Variants in NEGR1 observed in about 807,000 individuals in gnomAD.
NEGR1 encodes the protein IgLON family member 4.
In NEGR1, 10 loss-of-function variants were observed where a neutral mutation model predicts 40.9. That is an observed-to-expected ratio of 0.24 (90% confidence interval 0.15 to 0.42). The LOEUF is 0.42. NEGR1 is among the 10% of genes least tolerant of loss of function. The pLI, the probability that NEGR1 is intolerant of heterozygous loss-of-function variation, is 1.00. For synonymous variants in NEGR1, 185 were observed against 166.8 expected (o/e 1.11, Z -0.84); for missense variants, 352 against 438.9 (o/e 0.80, Z 1.77).
chr1:71,506,864 T>C (rs973032782), intron 6 of NEGR1, among the ~76,000 whole-genome samples: 3 of 152,158 alleles, frequency 2.0e-5, no homozygotes, highest in Non-Finnish European at 2.9e-5. Flanking sequence ...AAATAAACAC[T>C]GTTTACGTGG....
intron 1 of NEGR1, among the ~76,000 whole-genome samples, chr1:72,228,973 C>G (rs2100494998): frequency 6.6e-6 from 1 of 152,100 alleles, no homozygotes; most frequent in South Asian, 2.1e-4. Flanking sequence ...TTAAAAATGT[C>G]AAAGAAGGGT....
intron 1 of NEGR1, among the ~76,000 whole-genome samples, chr1:72,259,663 G>A (rs964647282): frequency 1.3e-5 from 2 of 152,016 alleles, no homozygotes; most frequent in African/African-American, 4.8e-5. Context: ...AGCTATTATG[G>A]AAAGGGAGCT....
intron 1 of NEGR1, among the ~76,000 whole-genome samples, chr1:72,101,159 T>A (rs929037004): frequency 1.3e-5 from 2 of 152,328 alleles, no homozygotes; most frequent in Admixed American, 1.3e-4. Flanking sequence ...TTTGACTGTG[T>A]CTTTTTCTTT....
Position 71,935,049 on chromosome 1 carries a change from T to C in NEGR1, c.409+30A>G, listed in dbSNP as rs748705996. The stretch of plus-strand genomic sequence containing the variant: ...ATTAAATATTTCTAAGCACAGTCTT[T>C]CACAATATAGCAGTTCTGAAAATAC... On this transcript the variant is annotated intron_variant, in intron 2 of 6. Coordinates refer to ENST00000357731, the MANE Select transcript of NEGR1 (RefSeq NM_173808.3). The C allele has an allele frequency of 3.8e-6, 5 of 1,300,584 alleles. No individual in the cohort carries two copies. In the South Asian group the frequency reaches 6.0e-5, roughly 16 times the overall value. The allele number at this position is 1,300,584 out of a possible 1,614,324, so 80.6% of individuals were successfully genotyped here.
chr1:72,136,768 G>A (rs1570023606), intron 1 of NEGR1, among the ~76,000 whole-genome samples: 1 of 151,782 alleles, frequency 6.6e-6, no homozygotes, highest in Admixed American at 6.6e-5. Context: ...AAACTAAAGA[G>A]CTTCTGCACA....
chr1:71,755,414 T>A (rs1166284641), intron 3 of NEGR1, among the ~76,000 whole-genome samples: 3 of 152,174 alleles, frequency 2.0e-5, no homozygotes, highest in Non-Finnish European at 4.4e-5. Context: ...TAAAATTAAA[T>A]CACATCATTT....
At chr1:71,696,806 T>C (rs1255691724) in intron 4 of NEGR1, among the ~76,000 whole-genome samples, 1 of 151,804 alleles carries the variant, frequency 6.6e-6, no homozygotes, top group East Asian at 1.9e-4. Flanking sequence ...CTGATGTGGG[T>C]ACCAGGAGTT....
chr1:72,007,560 C>CT (rs1406403750), intron 1 of NEGR1, among the ~76,000 whole-genome samples: 3 of 151,908 alleles, frequency 2.0e-5, no homozygotes, highest in Non-Finnish European at 2.9e-5. Flanking sequence ...TGTCTTATGG[C>CT]CACTAGTTAA....
At chr1:72,110,236 A>AAAAAT (rs1649307136) in intron 1 of NEGR1, among the ~76,000 whole-genome samples, 1 of 150,906 alleles carries the variant, frequency 6.6e-6, no homozygotes, top group African/African-American at 2.4e-5. Context: ...AAAAAAAAAA[A>AAAAAT]AAAAAAGAAT....
intron 6 of NEGR1, among the ~76,000 whole-genome samples, chr1:71,466,456 C>T (rs1646746523): frequency 6.6e-6 from 1 of 151,870 alleles, no homozygotes; most frequent in African/African-American, 2.4e-5. Flanking sequence ...GTTTATAAAC[C>T]ACGGGTATAA....
intron 1 of NEGR1, among the ~76,000 whole-genome samples, chr1:71,938,440 A>G (rs1452119479): frequency 2.7e-5 from 4 of 146,034 alleles, no homozygotes; most frequent in Non-Finnish European, 6.0e-5. Context: ...TGGTCATTAT[A>G]AAGATTCCTT....
Position 71,883,989 on chromosome 1 carries a change from A to AT in NEGR1, c.409+51089dup, listed in dbSNP as rs35994056. ...AAGAGTTAACTACAGCCTTATTAAC[A>AT]TTTTTTTTTTACTTTCCTAGATATT... On this transcript the variant is annotated intron_variant, in intron 2 of 6. Coordinates refer to ENST00000357731, the MANE Select transcript of NEGR1 (RefSeq NM_173808.3). Among the ~76,000 whole-genome samples the AT allele has an allele frequency of 5.8e-3, 874 of 150,350 alleles. 23 individuals carry two copies. The highest frequency in any genetic ancestry group is 0.04 in the Admixed American group (607 of 15,024).
Position 71,868,532 on chromosome 1 carries a change from T to C in NEGR1, c.409+66547A>G, listed in dbSNP as rs1457828068. On this transcript the variant is annotated intron_variant, in intron 2 of 6. Transcript: ENST00000357731. Reference sequence around the variant, plus strand: ...CATACATACATGGATTTATATTATATAAATACTTTGCTAAAGTCACTTCCA... The same window carrying C: ...CATACATACATGGATTTATATTATACAAATACTTTGCTAAAGTCACTTCCA... Among the ~76,000 whole-genome samples, 2 of 151,950 alleles carry C rather than the reference T, an allele frequency of 1.3e-5. 1 individual carries two copies. Among genetic ancestry groups the C allele is most frequent in the Non-Finnish European group, 2.9e-5 (2 of 67,926 alleles).
chr1:71,592,146 GC>G (rs1308825197), intron 6 of NEGR1, among the ~76,000 whole-genome samples: 1 of 152,066 alleles, frequency 6.6e-6, no homozygotes, highest in Non-Finnish European at 1.5e-5. Context: ...CTTCTAAACA[GC>G]AGTAAAATTA....
intron 4 of NEGR1, among the ~76,000 whole-genome samples, chr1:71,656,241 A>C (rs1651869773): frequency 6.6e-6 from 1 of 152,174 alleles, no homozygotes. Context: ...TGACGTAGTA[A>C]AGAAAGCAGA....
intron 2 of NEGR1, among the ~76,000 whole-genome samples, chr1:71,923,827 T>C (rs2101885404): frequency 6.6e-6 from 1 of 152,318 alleles, no homozygotes; most frequent in African/African-American, 2.4e-5. Context: ...CTGACCATTC[T>C]TTTGCCTTCC....
intron 1 of NEGR1, among the ~76,000 whole-genome samples, chr1:71,987,105 G>A (rs1409237481): frequency 6.6e-6 from 1 of 152,110 alleles, no homozygotes; most frequent in African/African-American, 2.4e-5. Flanking sequence ...CACTGCTTAG[G>A]AAGTACCTAA....
At chr1:71,485,893 T>C (rs1569932985) in intron 6 of NEGR1, among the ~76,000 whole-genome samples, 1 of 151,854 alleles carries the variant, frequency 6.6e-6, no homozygotes, top group East Asian at 1.9e-4. Flanking sequence ...AAAGCTACTA[T>C]AAACATATGT....
At chr1:72,008,669 G>A (rs1646630340) in intron 1 of NEGR1, among the ~76,000 whole-genome samples, 1 of 151,952 alleles carries the variant, frequency 6.6e-6, no homozygotes, top group South Asian at 2.1e-4. Context: ...TTTAGCCTTG[G>A]CCTATGTAAT....
Sources: allele counts gnomAD v4.1 joint callset (sites outside exome capture counted in the v4.1 genomes callset), GRCh38; gene constraint gnomAD v4.1.1; transcripts MANE v1.5; gene names NCBI Gene and HGNC (gene_info 2026-07-23, HGNC 2026-07-21).